Variants in COL27A1 observed in about 807,000 individuals in gnomAD.
COL27A1 encodes the protein collagen alpha-1(XXVII) chain.
In COL27A1, 106 loss-of-function variants were observed where a neutral mutation model predicts 251.3. The ratio of observed to expected loss-of-function variants is 0.42; its 90% confidence interval spans 0.36 to 0.50. COL27A1 has a LOEUF of 0.50. COL27A1 is among the 20% of genes least tolerant of loss of function. The pLI is 0.00. For synonymous variants in COL27A1, 1,000 were observed against 986.3 expected, an observed-to-expected ratio of 1.01 and a Z score of -0.26; for missense variants, 2,325 against 2,522.8, an observed-to-expected ratio of 0.92 and a Z score of 1.68.
rs150296997 is a variant in COL27A1 at position 114,283,785 on chromosome 9, C to T, written c.3933+23C>T. 7.4e-6 allele frequency: 12 copies of T among 1,612,954 alleles called. No homozygotes were observed. The African/African-American group carries it at 1.1e-4, about 14-fold the overall frequency. ...GATGTAAGCAGATATCACCTCACCC[C>T]ACCCCCCGACTCTGTCCTGCAGGCC... On this transcript the variant is annotated intron_variant, in intron 40 of 60. Coordinates refer to ENST00000356083, the MANE Select transcript of COL27A1 (RefSeq NM_032888.4).
rs570330133 is a variant in COL27A1, at chr9:114,176,177, G to A, written c.1909-2114G>A. ...TCTCTGGTTTCTTACCTGTTGAAAC[G>A]GCATGGTATACCTACAGTATGCTTC... is the stretch of plus-strand genomic sequence containing the variant. On this transcript the variant is annotated intron_variant, in intron 3 of 60. Coordinates refer to ENST00000356083, the MANE Select transcript of COL27A1 (RefSeq NM_032888.4). 1.3e-4 allele frequency among the ~76,000 whole-genome samples: 20 copies of A among 152,244 alleles called. No individual in the cohort carries two copies. In the South Asian group the frequency reaches 3.1e-3, roughly 24 times the overall value.
chr9:114,205,339 G>A (rs1014140809), intron 8 of COL27A1, among the ~76,000 whole-genome samples, 193 bp downstream of exon 8: 3 of 152,236 alleles, frequency 2.0e-5, no homozygotes, highest in Non-Finnish European at 2.9e-5. Context: ...TTGCCCAAAA[G>A]AGCCAGAGTC....
In COL27A1 at chr9:114,301,128, A is replaced by G. The variant is rs1370570592; in HGVS notation, c.4755+3A>G. 3.1e-6 allele frequency: 5 copies of G among 1,613,430 alleles called. No homozygotes were observed. The East Asian group carries it at 6.7e-5, about 22-fold the overall frequency. ...TCCTGGGACCTTCGGGACTCCCGGT[A>G]TGTGTGGGGATTGGACAGGAAGACT... On this transcript the variant is annotated splice_donor_region_variant and intron_variant, in intron 52 of 60. Coordinates refer to ENST00000356083, the MANE Select transcript of COL27A1 (RefSeq NM_032888.4).
At chr9:114,237,556 A>G (rs554895141) in intron 18 of COL27A1, 106 bp from the exon 19 acceptor site, 3 of 938,884 alleles carry the variant, frequency 3.2e-6, no homozygotes, top group African/African-American at 1.6e-5. Context: ...TTTTATGCAC[A>G]TGCTTCTGAA....
intron 1 of COL27A1, among the ~76,000 whole-genome samples, chr9:114,162,458 G>A (rs1041619632): frequency 3.3e-5 from 5 of 152,196 alleles, no homozygotes; most frequent in Admixed American, 1.3e-4. Context: ...CCCCGTTGAC[G>A]TTGGCTAATT....
intron 3 of COL27A1, among the ~76,000 whole-genome samples, chr9:114,173,616 C>T (rs939664863): frequency 3.3e-5 from 5 of 152,126 alleles, no homozygotes; most frequent in African/African-American, 4.8e-5. Context: ...CTTAACCTCT[C>T]TAAGCCTCAG....
At position 114,168,901 on chromosome 9, in the gene COL27A1, C is replaced by T. The variant is rs763182200; in HGVS notation, c.1346C>T (p.Ser449Phe). 28 of 1,613,910 alleles carry T rather than the reference C, an allele frequency of 1.7e-5. No individual in the cohort carries two copies. In the African/African-American group the frequency reaches 2.9e-4, roughly 17 times the overall value. ...CGGCCCCTACCTCCTACCACCAGCTCCTCTAAAAAACCCATTCCCACACTA... is the reference window on the plus strand; with the variant it reads ...CGGCCCCTACCTCCTACCACCAGCTTCTCTAAAAAACCCATTCCCACACTA... The part of the protein sequence containing the change: ...STRPLPPTTS[S>F]SKKPIPTLAR... Residue 449 changes from serine (S) to phenylalanine (F), a missense_variant, in exon 3 of 61, where the codon TCC becomes TTC. Ser to Phe is a radical substitution (Grantham distance 155). Transcript: ENST00000356083.
chr9:114,249,242 C>T (rs922229081), intron 24 of COL27A1, among the ~76,000 whole-genome samples: 12 of 152,328 alleles, frequency 7.9e-5, no homozygotes, highest in African/African-American at 2.9e-4. Flanking sequence ...AGAAAATGCT[C>T]TAATTAATTT....
chr9:114,304,742 T>G, intron 57 of COL27A1, 69 bp downstream of exon 57: 1 of 1,356,992 alleles, frequency 7.4e-7, no homozygotes, highest in Non-Finnish European at 1.1e-6. Context: ...ATGGCCCACA[T>G]GTGGTCAGTG....
intron 3 of COL27A1, among the ~76,000 whole-genome samples, chr9:114,176,214 C>T (rs975800232): frequency 3.9e-5 from 6 of 152,158 alleles, no homozygotes; most frequent in African/African-American, 1.4e-4. Context: ...TCTCAGCCCC[C>T]TGCTTTTTCT....
chr9:114,303,345 T>A (rs1280272556), intron 56 of COL27A1, among the ~76,000 whole-genome samples: 3 of 151,674 alleles, frequency 2.0e-5, no homozygotes, highest in Non-Finnish European at 4.4e-5. Flanking sequence ...TTCAAGCAAT[T>A]CTCCTGCCTC....
At chr9:114,285,727 A>C (rs1301374280) in intron 41 of COL27A1, among the ~76,000 whole-genome samples, 3 of 152,224 alleles carry the variant, frequency 2.0e-5, no homozygotes, top group African/African-American at 7.2e-5. Context: ...GGTGCCACTC[A>C]GTACCCCGGG....
At chr9:114,262,534 A>G (rs1588808059) in intron 28 of COL27A1, among the ~76,000 whole-genome samples, 1 of 152,262 alleles carries the variant, frequency 6.6e-6, no homozygotes, top group African/African-American at 2.4e-5. Context: ...CCTGGCAGGG[A>G]TGGAACTAGC....
At chr9:114,244,459 A>C (rs1467403739) in intron 23 of COL27A1, among the ~76,000 whole-genome samples, 2 of 152,194 alleles carry the variant, frequency 1.3e-5, no homozygotes, top group African/African-American at 2.4e-5. Flanking sequence ...GGGCAGCCTC[A>C]CTTAATAGTT....
chr9:114,279,147 A>G (rs901647457), intron 37 of COL27A1, among the ~76,000 whole-genome samples: 3 of 152,138 alleles, frequency 2.0e-5, no homozygotes, highest in Admixed American at 2.0e-4. Context: ...AATGCCACCA[A>G]TCACTGTGAC....
chr9:114,221,201 C>T (rs558434744), intron 13 of COL27A1, among the ~76,000 whole-genome samples: 1 of 152,066 alleles, frequency 6.6e-6, no homozygotes, highest in South Asian at 2.1e-4. Flanking sequence ...GTCCCAGGTG[C>T]CTCTTTGGAG....
At chr9:114,296,981 A>T (rs1828297531) in intron 49 of COL27A1, among the ~76,000 whole-genome samples, 1 of 152,248 alleles carries the variant, frequency 6.6e-6, no homozygotes, top group African/African-American at 2.4e-5. Context: ...TTTCATTTAT[A>T]TAAAATTATA....
At chr9:114,304,005 T>C (rs957843239) in intron 56 of COL27A1, among the ~76,000 whole-genome samples, 2 of 152,240 alleles carry the variant, frequency 1.3e-5, no homozygotes, top group African/African-American at 4.8e-5. Flanking sequence ...TGCATAATTC[T>C]TTGCTGTGAG....
intron 37 of COL27A1, among the ~76,000 whole-genome samples, chr9:114,277,626 A>G (rs1222742372): frequency 6.6e-6 from 1 of 152,200 alleles, no homozygotes; most frequent in Non-Finnish European, 1.5e-5. Context: ...AGAGAAGAAT[A>G]CGAGGGCGCT....
Sources: allele counts gnomAD v4.1 joint callset (sites outside exome capture counted in the v4.1 genomes callset), GRCh38; gene constraint gnomAD v4.1.1; transcripts MANE v1.5; gene names NCBI Gene and HGNC (gene_info 2026-07-23, HGNC 2026-07-21).